The following CREBZF variants were observed in gnomAD, a reference collection of about 807,000 sequenced individuals.
CREBZF encodes the protein HCF-binding transcription factor Zhangfei.
Under a neutral mutation model 21.1 loss-of-function variants are expected in CREBZF, and 8 were observed. The ratio of observed to expected loss-of-function variants is 0.38; its 90% CI spans 0.22 to 0.68. CREBZF has a LOEUF of 0.68. CREBZF is among the 30% of genes least tolerant of loss of function. CREBZF has a pLI of 0.51. For missense variants in CREBZF, 518 were observed against 484.3 expected (o/e 1.07, Z -0.65); for synonymous variants, 270 against 223.3 (o/e 1.21, Z -1.86).
At chr11:85,666,274 T>G (rs2082861494), upstream of CREBZF, among the ~76,000 whole-genome samples, 1 of 152,240 alleles carries the variant, frequency 6.6e-6, no homozygotes, top group Non-Finnish European at 1.5e-5. Context: ...ACAAGGGATT[T>G]GAGATTTGAA....
rs115483329 is a variant in CREBZF at position 85,677,641 on chromosome 11, G to T, written n.147+5076C>A. ...ATTCTTAGGGCTTAATTATCTTAAG[G>T]TTCAACATTTTTGGCAAGAATACTT... is the stretch of plus-strand genomic sequence containing the variant. On this transcript the variant is annotated intron_variant and non_coding_transcript_variant, in intron 1 of 3. Transcript: ENST00000531515. 3.7e-3 allele frequency among the ~76,000 whole-genome samples: 557 copies of T among 152,254 alleles called. 3 individuals carry two copies. The highest frequency in any genetic ancestry group is 0.013 in the African/African-American group (525 of 41,526).
At chr11:85,673,902 T>G (rs1459436961) in intron 1 of CREBZF, among the ~76,000 whole-genome samples, 2 of 152,248 alleles carry the variant, frequency 1.3e-5, no homozygotes, top group Non-Finnish European at 2.9e-5. Flanking sequence ...TTTCTTGGCT[T>G]ATCCATAAGA....
intron 1 of CREBZF, among the ~76,000 whole-genome samples, chr11:85,679,505 A>G (rs1307788757): frequency 6.6e-6 from 1 of 152,248 alleles, no homozygotes; most frequent in Non-Finnish European, 1.5e-5. Flanking sequence ...AGAATGGCTG[A>G]TCTACCTCCA....
chr11:85,658,009 T>C lies in CREBZF; in HGVS notation c.*5802A>G, dbSNP rs1036249089. ...ATAACATTTAAAGGGCAAAACAATA[T>C]AGCTGTTTATTTTACAGGCTAAAAT... On this transcript the variant is annotated 3_prime_UTR_variant, in exon 1 of 1. Transcript: ENST00000527447. 1.3e-5 allele frequency among the ~76,000 whole-genome samples: 2 copies of C among 151,916 alleles called. No homozygotes were observed. The highest frequency in any genetic ancestry group is 4.8e-5 in the African/African-American group (2 of 41,424).
chr11:85,667,432 C>G (rs1483057763), upstream of CREBZF, among the ~76,000 whole-genome samples: 2 of 152,146 alleles, frequency 1.3e-5, no homozygotes, highest in African/African-American at 4.8e-5. Flanking sequence ...CAATTGACAT[C>G]TAATGCGAAT....
Position 85,659,313 on chromosome 11 carries a change from G to A in CREBZF, c.*4498C>T, listed in dbSNP as rs1053295523. Among the ~76,000 whole-genome samples, 1 of 151,896 alleles carries A rather than the reference G, an allele frequency of 6.6e-6. No individual in the cohort carries two copies. ...GAACTAGATAATCACATATTAAAAA[G>A]GTAATGACTCATTATCAGTGAATTA... is the stretch of plus-strand genomic sequence containing the variant. On this transcript the variant is annotated 3_prime_UTR_variant, in exon 1 of 1. Coordinates refer to ENST00000527447, the MANE Select transcript of CREBZF (RefSeq NM_001039618.4).
At position 85,665,042 on chromosome 11, in the gene CREBZF, CAAGGCGCGGGG is replaced by C. The variant is rs1435167539; in HGVS notation, c.-178_-168del. The stretch of plus-strand genomic sequence containing the variant: ...CACTTGGCTAGTCGACCCCCCGCGC[CAAGGCGCGGGG>C]AGGGACGGGAGAACGAAGCGGTGAG... On this transcript the variant is annotated 5_prime_UTR_variant, in exon 1 of 1. Transcript: ENST00000527447. 2 of 464,458 alleles carry C rather than the reference CAAGGCGCGGGG, an allele frequency of 4.3e-6. No individual in the cohort carries two copies. The highest frequency in any genetic ancestry group is 7.4e-6 in the Non-Finnish European group (2 of 270,646). 28.8% of individuals were successfully genotyped at this position (464,458 alleles called of 1,614,324 possible). A position where few individuals can be genotyped will look rare whatever the true frequency, so the allele number is the denominator to read the frequency against.
At chr11:85,668,949 C>G (rs1328706212), upstream of CREBZF, among the ~76,000 whole-genome samples, 2 of 124,780 alleles carry the variant, frequency 1.6e-5, no homozygotes, top group African/African-American at 3.0e-5. Flanking sequence ...TTGCAGTGAG[C>G]CGAGATCGCG....
intron 1 of CREBZF, among the ~76,000 whole-genome samples, chr11:85,680,199 T>C (rs1392761574): frequency 1.3e-5 from 2 of 152,206 alleles, no homozygotes; most frequent in Admixed American, 6.5e-5. Flanking sequence ...GCTTGTTGTG[T>C]TTTTTTCTGC....
chr11:85,663,663 TG>T lies in CREBZF; in HGVS notation c.*147del. ...GGAGTTGGTTACTGTGTCACATTCA[TG>T]CTTTTAGCTAAACACTTTAAGATTC... On this transcript the variant is annotated 3_prime_UTR_variant, in exon 1 of 1. Coordinates refer to ENST00000527447, the MANE Select transcript of CREBZF (RefSeq NM_001039618.4). The T allele has an allele frequency of 3.1e-6, 5 of 1,606,888 alleles. No homozygotes were observed. The highest frequency in any genetic ancestry group is 4.3e-6 in the Non-Finnish European group (5 of 1,176,468).
upstream of CREBZF, among the ~76,000 whole-genome samples, chr11:85,666,832 T>C (rs1404500804): frequency 6.6e-6 from 1 of 152,188 alleles, no homozygotes; most frequent in Admixed American, 6.5e-5. Context: ...GTATGACCTG[T>C]GGTATCTAGA....
chr11:85,662,411 G>A lies in CREBZF; in HGVS notation c.*1400C>T, dbSNP rs1333734101. ...TACCTTTTAAAATAAAGCAGGAAAT[G>A]TGGCCAGCAGCTGGTCCCGTCTCTT... On this transcript the variant is annotated 3_prime_UTR_variant, in exon 1 of 1. Transcript: ENST00000527447. 1 of 717,022 alleles carries A rather than the reference G, an allele frequency of 1.4e-6. No homozygotes were observed. The highest frequency in any genetic ancestry group is 1.7e-5 in the African/African-American group (1 of 57,240). 44.4% of individuals were successfully genotyped at this position (717,022 alleles called of 1,614,324 possible).
rs190758673 is a variant in CREBZF, at chr11:85,682,563, C to A, written n.147+154G>T. Reference sequence around the variant, plus strand: ...CAGGGCAACTGGGCTCGTTCCCCTGCGCCCGAGTTTTAGGGGACACGCGCC... The same window carrying A: ...CAGGGCAACTGGGCTCGTTCCCCTGAGCCCGAGTTTTAGGGGACACGCGCC... On this transcript the variant is annotated intron_variant and non_coding_transcript_variant, in intron 1 of 3. Coordinates refer to the CREBZF transcript ENST00000531515. 9.9e-5 allele frequency among the ~76,000 whole-genome samples: 15 copies of A among 152,090 alleles called. No individual in the cohort carries two copies. The East Asian group carries it at 2.9e-3, about 30-fold the overall frequency.
At chr11:85,680,921 T>C (rs1465597117) in intron 1 of CREBZF, among the ~76,000 whole-genome samples, 1 of 152,208 alleles carries the variant, frequency 6.6e-6, no homozygotes, top group African/African-American at 2.4e-5. Flanking sequence ...TCATTCCTGC[T>C]GGCAGAGCCC....
chr11:85,674,655 G>C (rs1025862149), intron 1 of CREBZF, among the ~76,000 whole-genome samples: 4 of 152,198 alleles, frequency 2.6e-5, no homozygotes, highest in Non-Finnish European at 5.9e-5. Flanking sequence ...AACTACTAAA[G>C]CCTTAGAGGG....
chr11:85,668,907 C>G (rs1201623568), upstream of CREBZF, among the ~76,000 whole-genome samples: 1 of 143,580 alleles, frequency 7.0e-6, no homozygotes, highest in African/African-American at 2.5e-5. Flanking sequence ...GAGGCTGAGG[C>G]AGGAGAATGG....
rs1273370478 is a variant in CREBZF at position 85,664,716 on chromosome 11, T to G, written c.160A>C (p.Lys54Gln). 1.9e-6 allele frequency: 3 copies of G among 1,575,858 alleles called. No individual in the cohort carries two copies. The Admixed American group carries it at 5.2e-5, about 27-fold the overall frequency. ...ETAAAGSPGR[K>Q]QQFGDEGELE... Reference sequence around the variant, plus strand: ...TCTCCTTCGTCGCCAAACTGCTGCTTGCGGCCGGGAGATCCGGCCGCCGCC... The same window carrying G: ...TCTCCTTCGTCGCCAAACTGCTGCTGGCGGCCGGGAGATCCGGCCGCCGCC... The change falls in exon 1 of 1, where the codon AAG becomes CAG. Residue 54 changes from lysine (K) to glutamine (Q), a missense_variant. Around this residue, in one of 3 missense-constraint regions of CREBZF, gnomAD observed 396 missense variants for 324.4 expected, o/e 1.22. Coordinates refer to ENST00000527447, the MANE Select transcript of CREBZF (RefSeq NM_001039618.4). The surrounding 1 kb of genome is among the most constrained non-coding windows in gnomAD (Gnocchi z 5.5).
intron 1 of CREBZF, among the ~76,000 whole-genome samples, chr11:85,679,819 C>T (rs901844054): frequency 3.9e-5 from 6 of 152,186 alleles, no homozygotes; most frequent in African/African-American, 9.7e-5. Flanking sequence ...CTAAAATATG[C>T]CGTGCCTACC....
chr11:85,661,115 T>G lies in CREBZF; in HGVS notation c.*2696A>C. 6.5e-6 allele frequency: 1 copy of G among 153,296 alleles called. No homozygotes were observed. The highest frequency in any genetic ancestry group is 2.1e-4 in the South Asian group (1 of 4,866). 9.5% of individuals were successfully genotyped at this position (153,296 alleles called of 1,614,324 possible). On this transcript the variant is annotated 3_prime_UTR_variant, in exon 1 of 1. Coordinates refer to ENST00000527447, the MANE Select transcript of CREBZF (RefSeq NM_001039618.4). ...AATTAACAAGTAGTGAATCGGACAC[T>G]TTAAGATATTGTTTACTACATACTG...
Sources: allele counts gnomAD v4.1 joint callset (sites outside exome capture counted in the v4.1 genomes callset), GRCh38; gene constraint gnomAD v4.1.1; regional missense constraint gnomAD v4.1.1; non-coding constraint Gnocchi (gnomAD v3.1); transcripts MANE v1.5; gene names NCBI Gene and HGNC (gene_info 2026-07-23, HGNC 2026-07-21).